The following LPIN1 variants were observed in gnomAD, a reference collection of about 807,000 sequenced individuals.
LPIN1 encodes lipin 1, also known as phosphatidate phosphatase LPIN1.
A neutral mutation model predicts 107.5 loss-of-function variants in LPIN1; 71 were observed. That is an observed-to-expected ratio of 0.66 (90% CI 0.55 to 0.80). LPIN1 has a LOEUF of 0.80. Among genes scored for constraint, LPIN1 ranks in the 30% least tolerant of loss-of-function variants. The pLI, the probability that LPIN1 is intolerant of heterozygous loss-of-function variation, is 0.00. For missense variants in LPIN1, 1,043 were observed against 1,160.6 expected (o/e 0.90, Z 1.47); for synonymous variants, 445 against 452.6 (o/e 0.98, Z 0.21).
chr2:11,756,352 C>A (rs184127984), intron 1 of LPIN1, among the ~76,000 whole-genome samples: 1 of 152,004 alleles, frequency 6.6e-6, no homozygotes, highest in African/African-American at 2.4e-5. Context: ...CATTAAGAGG[C>A]GTGGACTAAA....
In LPIN1 at chr2:11,787,181, G is replaced by T; in HGVS notation, c.1643+14G>T. The T allele has an allele frequency of 6.4e-7, 1 of 1,567,274 alleles. No individual in the cohort carries two copies. Among genetic ancestry groups the T allele is most frequent in the Non-Finnish European group, 8.8e-7 (1 of 1,137,286 alleles). ...GATTGGGAGTAAGTAAGTACCTCTT[G>T]AAAGTCACTTTGGCAGTAGCATGAT... On this transcript the variant is annotated intron_variant, in intron 11 of 20. Transcript: ENST00000674199.
intron 1 of LPIN1, among the ~76,000 whole-genome samples, 191 bp downstream of exon 1, chr2:11,746,862 G>A (rs932071981): frequency 1.3e-5 from 2 of 152,124 alleles, no homozygotes; most frequent in African/African-American, 4.8e-5. Flanking sequence ...GGAGGGAGGC[G>A]GGGAAACAGG....
chr2:11,721,350 C>A (rs1478827195), upstream of LPIN1, among the ~76,000 whole-genome samples: 1 of 149,786 alleles, frequency 6.7e-6, no homozygotes, highest in Non-Finnish European at 1.5e-5. Context: ...TGTGAAGTCA[C>A]ATCATAGAGA....
At chr2:11,727,961 T>C (rs935090041) in intron 1 of LPIN1, among the ~76,000 whole-genome samples, 5 of 152,150 alleles carry the variant, frequency 3.3e-5, no homozygotes, top group African/African-American at 1.2e-4. Context: ...ATTTTGTGGG[T>C]TTGCTGTACA....
At chr2:11,813,302 C>T (rs570357376) in intron 17 of LPIN1, among the ~76,000 whole-genome samples, 1 of 152,044 alleles carries the variant, frequency 6.6e-6, no homozygotes, top group East Asian at 1.9e-4. Context: ...TTTACTTAAT[C>T]CAACATATTC....
intron 1 of LPIN1, among the ~76,000 whole-genome samples, chr2:11,696,883 C>T (rs890799110): frequency 6.6e-6 from 1 of 152,252 alleles, no homozygotes; most frequent in East Asian, 1.9e-4. Flanking sequence ...CTGCGCCCCT[C>T]CCTGGCTACG....
chr2:11,681,084 A>G (rs1661687569), intron 1 of LPIN1, among the ~76,000 whole-genome samples: 1 of 152,168 alleles, frequency 6.6e-6, no homozygotes, highest in African/African-American at 2.4e-5. Flanking sequence ...AATGGTGCCA[A>G]GACACTGAAT....
Position 11,803,122 on chromosome 2 carries a change from GTTAC to G in LPIN1, c.2013+92_2013+95del. ...GCTGTGTGATGGTTGGGATGTGCCC[GTTAC>G]TTGTCACCTTTCATCCCAGGGGGCC... is the stretch of plus-strand genomic sequence containing the variant. On this transcript the variant is annotated intron_variant, in intron 15 of 20. Coordinates refer to ENST00000674199, the MANE Select transcript of LPIN1 (RefSeq NM_001349206.2). This position sits in a 1 kb window ranked among gnomAD's most constrained non-coding sequence, Gnocchi z 4.2. 1.9e-6 allele frequency: 3 copies of G among 1,560,756 alleles called. No individual in the cohort carries two copies. The highest frequency in any genetic ancestry group is 2.6e-6 in the Non-Finnish European group (3 of 1,140,746).
chr2:11,752,432 C>CTTTTTTTTTTTTTTTTTTTTTTT (rs1354955148), intron 1 of LPIN1, among the ~76,000 whole-genome samples: 3 of 82,654 alleles, frequency 3.6e-5, no homozygotes, highest in African/African-American at 2.4e-4. Context: ...GTTCCAAGGC[C>CTTTTTTTTTTTTTTTTTTTTTTT]ATTTTTTTTT....
chr2:11,816,741 CTT>C (rs58385642), intron 18 of LPIN1: 30 of 136,856 alleles, frequency 2.2e-4, no homozygotes, highest in Admixed American at 4.4e-4. Context: ...AATGACCTTC[CTT>C]TTTTTTTTTT....
chr2:11,784,354 A>G (rs1674110972), intron 9 of LPIN1: 1 of 1,099,936 alleles, frequency 9.1e-7, no homozygotes, highest in Admixed American at 5.1e-5. Flanking sequence ...GGAGGCTCCC[A>G]TTGCCTTGTG....
intron 1 of LPIN1, among the ~76,000 whole-genome samples, chr2:11,750,575 G>A (rs1197814157): frequency 1.3e-5 from 2 of 152,210 alleles, no homozygotes; most frequent in African/African-American, 4.8e-5. Context: ...GAATTAGCAC[G>A]TGGTTTTTAT....
chr2:11,779,943 C>G (rs763382733), intron 7 of LPIN1, among the ~76,000 whole-genome samples: 35 of 151,414 alleles, frequency 2.3e-4, no homozygotes, highest in African/African-American at 8.3e-4. Flanking sequence ...GGCAATGGCT[C>G]TATCTTGGCT....
intron 1 of LPIN1, among the ~76,000 whole-genome samples, chr2:11,730,111 G>A (rs1258882661): frequency 6.6e-6 from 1 of 151,348 alleles, no homozygotes; most frequent in Non-Finnish European, 1.5e-5. Context: ...TCCATTTCAC[G>A]TATGTTGACA....
At chr2:11,785,302 C>T (rs1261754714) in intron 10 of LPIN1, among the ~76,000 whole-genome samples, 1 of 152,234 alleles carries the variant, frequency 6.6e-6, no homozygotes, top group Non-Finnish European at 1.5e-5. Context: ...TGTGTGTCTC[C>T]TGTGCCCCAG....
At chr2:11,758,128 T>C (rs1360818089) in intron 1 of LPIN1, among the ~76,000 whole-genome samples, 1 of 152,218 alleles carries the variant, frequency 6.6e-6, no homozygotes, top group Non-Finnish European at 1.5e-5. Flanking sequence ...TCAGTAATAG[T>C]CCATGATATG....
chr2:11,754,401 C>G (rs75421235), intron 1 of LPIN1, among the ~76,000 whole-genome samples: 6,563 of 152,302 alleles, frequency 0.043, 201 homozygotes, highest in Non-Finnish European at 0.062. Context: ...TGATGAATCA[C>G]TCGGAGCTGA....
At chr2:11,805,446 T>G (rs999778958) in intron 17 of LPIN1, 1 of 527,118 alleles carries the variant, frequency 1.9e-6, no homozygotes, top group African/African-American at 1.9e-5. Context: ...GAGGTTTAGT[T>G]CATCCCGAGG....
chr2:11,710,373 G>A lies in LPIN1; in HGVS notation c.82-3383G>A, dbSNP rs576918148. ...AAATCAAGACAAACAATAGAGTTGAGAAGGAGGTTAACACAAGCATGTGTT... is the reference window on the plus strand; with the variant it reads ...AAATCAAGACAAACAATAGAGTTGAAAAGGAGGTTAACACAAGCATGTGTT... On this transcript the variant is annotated intron_variant, in intron 1 of 21. Transcript: ENST00000449576. 8.9e-4 allele frequency among the ~76,000 whole-genome samples: 136 copies of A among 152,276 alleles called. 3 individuals are homozygous for A. Among genetic ancestry groups the A allele is most frequent in the Non-Finnish European group, 9.3e-4 (63 of 68,034 alleles).
Sources: gnomAD v4.1 joint callset for allele counts (sites outside exome capture counted in the v4.1 genomes callset) on GRCh38, gnomAD v4.1.1 for gene constraint, Gnocchi (gnomAD v3.1) non-coding constraint, MANE v1.5 for transcripts, NCBI Gene and HGNC (gene_info 2026-07-23, HGNC 2026-07-21) for gene names.